DIS3: variants seen among roughly 807,000 people sequenced by gnomAD.
DIS3 encodes DIS3 exosome endoribonuclease and 3'-5' exoribonuclease, also known as exosome complex exonuclease RRP44.
A neutral mutation model predicts 113.0 loss-of-function variants in DIS3; 103 were observed. That is an observed-to-expected ratio of 0.91 (90% CI 0.78 to 1.07). The LOEUF (loss-of-function observed/expected upper bound fraction) is 1.07. Ranked by LOEUF, DIS3 falls within the 50% of genes least tolerant of loss-of-function variation. The probability of loss-of-function intolerance (pLI) is 0.00; values close to 1 mark genes in which losing one functional copy is unlikely to be tolerated. For synonymous variants in DIS3, 402 were observed against 394.3 expected (o/e 1.02, Z -0.23); for missense variants, 1,121 against 1,167.1 (o/e 0.96, Z 0.58).
At position 72,759,620 on chromosome 13, in the gene DIS3, T is replaced by C. The variant is rs573628646; in HGVS notation, c.*175A>G. Reference sequence around the variant, plus strand: ...AATAATTCTGTTCAACCCAGAAGTATAGTAGTATGATGGGTCAGATACAGT... The same window carrying C: ...AATAATTCTGTTCAACCCAGAAGTACAGTAGTATGATGGGTCAGATACAGT... On this transcript the variant is annotated 3_prime_UTR_variant, in exon 21 of 21. Transcript: ENST00000377767. 70 of 564,676 alleles carry C rather than the reference T, an allele frequency of 1.2e-4. No homozygotes were observed. The highest frequency in any genetic ancestry group is 2.0e-4 in the South Asian group (9 of 45,828). 35.0% of individuals were successfully genotyped at this position (564,676 alleles called of 1,614,324 possible). A position where few individuals can be genotyped will look rare whatever the true frequency, so the allele number is the denominator to read the frequency against.
At position 72,755,397 on chromosome 13, in the gene DIS3, T is replaced by A; in HGVS notation, c.*4398A>T. 1 of 534,506 alleles carries A rather than the reference T, an allele frequency of 1.9e-6. No individual in the cohort carries two copies. The highest frequency in any genetic ancestry group is 3.3e-6 in the Non-Finnish European group (1 of 302,772). 33.1% of individuals were successfully genotyped at this position (534,506 alleles called of 1,614,324 possible). On this transcript the variant is annotated 3_prime_UTR_variant, in exon 21 of 21. Transcript: ENST00000377767. ...GAACAACAGAAATGCTCCTGGAACT[T>A]CAAGTTGCTGAATTATAAGTTTATT...
At chr13:72,768,267 T>G (rs1347893212) in intron 14 of DIS3, among the ~76,000 whole-genome samples, 1 of 152,176 alleles carries the variant, frequency 6.6e-6, no homozygotes, top group African/African-American at 2.4e-5. Context: ...TCAAGATCTT[T>G]AACTCAAACA....
intron 1 of DIS3, 174 bp from the exon 2 acceptor site, chr13:72,781,177 G>T (rs1188767145): frequency 7.1e-7 from 1 of 1,409,784 alleles, no homozygotes; most frequent in Non-Finnish European, 9.8e-7. Flanking sequence ...AAACCCTTCA[G>T]ATCTATTAAA....
intron 13 of DIS3, among the ~76,000 whole-genome samples, chr13:72,769,322 A>G (rs939376945): frequency 2.0e-5 from 3 of 152,208 alleles, no homozygotes; most frequent in Non-Finnish European, 4.4e-5. Context: ...AGACTGCAGG[A>G]GTCGAGACAC....
intron 1 of DIS3, 148 bp from the exon 2 acceptor site, chr13:72,781,151 C>G: frequency 7.4e-7 from 1 of 1,360,496 alleles, no homozygotes; most frequent in Non-Finnish European, 1.0e-6. Flanking sequence ...CTATAGAAAA[C>G]GAGACAATAG....
Position 72,755,282 on chromosome 13 carries a change from C to A in DIS3, c.*4513G>T. ...TCGCATATATCGTTGTGCACAGGAT[C>A]AACATGATGGTGACTGGGAAAAAAT... is the stretch of plus-strand genomic sequence containing the variant. On this transcript the variant is annotated 3_prime_UTR_variant, in exon 21 of 21. Coordinates refer to ENST00000377767, the MANE Select transcript of DIS3 (RefSeq NM_014953.5). 2 of 1,368,552 alleles carry A rather than the reference C, an allele frequency of 1.5e-6. No homozygotes were observed. The highest frequency in any genetic ancestry group is 2.1e-6 in the Non-Finnish European group (2 of 965,870). 84.8% of individuals were successfully genotyped at this position (1,368,552 alleles called of 1,614,324 possible). A position where few individuals can be genotyped will look rare whatever the true frequency, so the allele number is the denominator to read the frequency against.
At chr13:72,778,075 T>C (rs1035049115) in intron 3 of DIS3, 112 bp downstream of exon 3, 13 of 949,562 alleles carry the variant, frequency 1.4e-5, no homozygotes, top group East Asian at 2.7e-5. Flanking sequence ...CATGAAGTTA[T>C]ATAGGACTAC....
In DIS3 at chr13:72,775,886, CTTTA is replaced by C. The variant is rs772971659; in HGVS notation, c.822+35_822+38del. On this transcript the variant is annotated intron_variant, in intron 5 of 20. Transcript: ENST00000377767. ...GTGTTCATAATATATAAAATATCAT[CTTTA>C]TTTTAGTGTATAAGGAATTTATTTA... 7.5e-6 allele frequency: 11 copies of C among 1,465,062 alleles called. No homozygotes were observed. The East Asian group carries it at 9.7e-5, about 13-fold the overall frequency. The allele number at this position is 1,465,062 out of a possible 1,614,324, so 90.8% of individuals were successfully genotyped here.
chr13:72,776,182 T>C (rs2034014367), intron 4 of DIS3, 90 bp from the exon 5 acceptor site: 1 of 1,293,048 alleles, frequency 7.7e-7, no homozygotes, highest in Admixed American at 2.9e-5. Context: ...ATTTTTGAAA[T>C]CTACATTATG....
At chr13:72,781,492 T>C (rs892972613) in intron 1 of DIS3, 113 bp downstream of exon 1, 21 of 1,430,196 alleles carry the variant, frequency 1.5e-5, no homozygotes, top group Non-Finnish European at 1.8e-5. Flanking sequence ...GGGGTTTCCC[T>C]TTCGCTAGGT....
rs1431768805 is a variant in DIS3 at position 72,775,196 on chromosome 13, T to C, written c.987+15A>G. 2.5e-6 allele frequency: 4 copies of C among 1,587,934 alleles called. No homozygotes were observed. The highest frequency in any genetic ancestry group is 1.2e-5 in the South Asian group (1 of 86,342). On this transcript the variant is annotated intron_variant, in intron 6 of 20. Transcript: ENST00000377767. ...AAGCTACACAGACAAAAAAAAATCC[T>C]GCTTAGATTCATACCATTCGTTCTG... is the stretch of plus-strand genomic sequence containing the variant.
Position 72,754,870 on chromosome 13 carries a change from C to A in DIS3, c.*4925G>T. On this transcript the variant is annotated 3_prime_UTR_variant, in exon 21 of 21. Coordinates refer to ENST00000377767, the MANE Select transcript of DIS3 (RefSeq NM_014953.5). ...AGCTAGGGCTACAGGCATGTGCCACCACACCCAGCTTTTTAAAATTTTTGG... is the reference window on the plus strand; with the variant it reads ...AGCTAGGGCTACAGGCATGTGCCACAACACCCAGCTTTTTAAAATTTTTGG... 3.2e-6 allele frequency: 1 copy of A among 314,102 alleles called. No homozygotes were observed. The highest frequency in any genetic ancestry group is 4.3e-5 in the South Asian group (1 of 23,184). 19.5% of individuals were successfully genotyped at this position (314,102 alleles called of 1,614,324 possible). A position where few individuals can be genotyped will look rare whatever the true frequency, so the allele number is the denominator to read the frequency against.
chr13:72,756,274 T>G lies in DIS3; in HGVS notation c.*3521A>C. 1 of 206,186 alleles carries G rather than the reference T, an allele frequency of 4.8e-6. No homozygotes were observed. Among genetic ancestry groups the G allele is most frequent in the Non-Finnish European group, 9.6e-6 (1 of 104,472 alleles). 12.8% of individuals were successfully genotyped at this position (206,186 alleles called of 1,614,324 possible). On this transcript the variant is annotated 3_prime_UTR_variant, in exon 21 of 21. Transcript: ENST00000377767. ...CCTGCAGAAAATGTGCCGCGTTATG[T>G]ACCTGGCTCATCTTCAACACACTAA... is the stretch of plus-strand genomic sequence containing the variant.
At position 72,759,930 on chromosome 13, in the gene DIS3, T is replaced by A. The variant is rs750789201; in HGVS notation, c.2794-52A>T. 3.5e-6 allele frequency: 5 copies of A among 1,419,216 alleles called. No individual in the cohort carries two copies. The African/African-American group carries it at 7.1e-5, about 20-fold the overall frequency. The allele number at this position is 1,419,216 out of a possible 1,614,324, so 87.9% of individuals were successfully genotyped here. A position where few individuals can be genotyped will look rare whatever the true frequency, so the allele number is the denominator to read the frequency against. ...AAGGTGATTTAAAGGATAGAATACA[T>A]CTCAACCTCATCCTCCCCTTCCCCA... On this transcript the variant is annotated intron_variant, in intron 20 of 20. Coordinates refer to ENST00000377767, the MANE Select transcript of DIS3 (RefSeq NM_014953.5).
chr13:72,772,596 C>T (rs971448701), intron 9 of DIS3, 97 bp downstream of exon 9: 12 of 1,285,102 alleles, frequency 9.3e-6, no homozygotes, highest in African/African-American at 3.0e-5. Flanking sequence ...AAAGAGGGCC[C>T]GTGGTGTCTA....
chr13:72,766,219 A>AAACAGCTCAGTAGAGCTTTCATG (rs1184232009), intron 14 of DIS3, among the ~76,000 whole-genome samples, 161 bp from the exon 15 acceptor site: 1 of 152,220 alleles, frequency 6.6e-6, no homozygotes, highest in African/African-American at 2.4e-5. Context: ...CTATTTTCAT[A>AAACAGCTCAGTAGAGCTTTCATG]AACAGCTCAG....
At chr13:72,771,059 A>G (rs1363131004) in intron 12 of DIS3, 22 bp downstream of exon 12, 1 of 1,609,336 alleles carries the variant, frequency 6.2e-7, no homozygotes, top group Non-Finnish European at 8.5e-7. Context: ...GTCTTCAAGG[A>G]AAAAAAACCA....
At position 72,770,897 on chromosome 13, in the gene DIS3, A is replaced by C. The variant is rs368862857; in HGVS notation, c.1755+7T>G. On this transcript the variant is annotated splice_region_variant and intron_variant, in intron 13 of 20. Coordinates refer to ENST00000377767, the MANE Select transcript of DIS3 (RefSeq NM_014953.5). ...AAAAATTAGAGATTAATAGCCATGA[A>C]ACGAACCTTTGAATTAATAACACTT... The C allele has an allele frequency of 8.2e-6, 13 of 1,584,410 alleles. No individual in the cohort carries two copies. The African/African-American group carries it at 1.8e-4, about 21-fold the overall frequency.
Position 72,776,105 on chromosome 13 carries a change from C to T in DIS3, c.655-13G>A. 6.3e-7 allele frequency: 1 copy of T among 1,581,066 alleles called. No homozygotes were observed. The highest frequency in any genetic ancestry group is 8.5e-7 in the Non-Finnish European group (1 of 1,170,128). On this transcript the variant is annotated splice_polypyrimidine_tract_variant and intron_variant, in intron 4 of 20. Coordinates refer to ENST00000377767, the MANE Select transcript of DIS3 (RefSeq NM_014953.5). ...TTTCTATTTCATTCTATGAAAGAAG[C>T]AAACCAAAAGATGCCGCTAATAAGT...
Sources: gnomAD v4.1 joint callset for allele counts (sites outside exome capture counted in the v4.1 genomes callset) on GRCh38, gnomAD v4.1.1 for gene constraint, MANE v1.5 for transcripts, NCBI Gene and HGNC (gene_info 2026-07-23, HGNC 2026-07-21) for gene names.